The following SEMA3E variants were observed in gnomAD, a reference collection of about 807,000 sequenced individuals.
SEMA3E encodes the protein semaphorin-3E.
Under a neutral mutation model 93.6 loss-of-function variants are expected in SEMA3E, and 49 were observed. The observed-to-expected ratio is 0.52, with a 90% CI of 0.42 to 0.66. The LOEUF is 0.66. Ranked by LOEUF, SEMA3E falls within the 30% of genes least tolerant of loss-of-function variation. The probability of loss-of-function intolerance (pLI) is 0.00; values close to 1 mark genes in which losing one functional copy is unlikely to be tolerated. For missense variants in SEMA3E, 906 were observed against 964.8 expected (o/e 0.94, Z 0.81); for synonymous variants, 363 against 330.7 (o/e 1.10, Z -1.06).
intron 16 of SEMA3E, among the ~76,000 whole-genome samples, chr7:83,370,827 T>C (rs377354318): frequency 2.0e-5 from 3 of 152,170 alleles, no homozygotes; most frequent in African/African-American, 7.2e-5. Flanking sequence ...CTGTGTCATC[T>C]TTCCCCCCTT....
intron 11 of SEMA3E, 108 bp downstream of exon 11, chr7:83,399,920 G>A: frequency 3.3e-6 from 3 of 913,778 alleles, no homozygotes; most frequent in South Asian, 1.3e-5. Flanking sequence ...GTGTGAAATT[G>A]TTTAACAGAT....
chr7:83,513,017 A>C (rs372707621), intron 1 of SEMA3E, among the ~76,000 whole-genome samples: 125 of 152,332 alleles, frequency 8.2e-4, no homozygotes, highest in Middle Eastern at 6.8e-3. Context: ...ATATTTTTGC[A>C]ATGTAAAAGA....
intron 1 of SEMA3E, among the ~76,000 whole-genome samples, chr7:83,493,841 T>C (rs1367243707): frequency 6.6e-6 from 1 of 151,916 alleles, no homozygotes; most frequent in East Asian, 1.9e-4. Flanking sequence ...TGGACTGCTT[T>C]TCCTAACTGG....
chr7:83,418,519 C>A, intron 4 of SEMA3E, 36 bp from the exon 5 acceptor site: 1 of 1,344,278 alleles, frequency 7.4e-7, no homozygotes. Context: ...TATGAATATG[C>A]CTCCTCTAAT....
In SEMA3E at chr7:83,367,691, C is replaced by T. The variant is rs1366882310; in HGVS notation, c.2223G>A (p.Lys741=). ...KVWCTDRKRK[K]LKMSPSKWKY... ...TCCACTTGGAGGGTGACATTTTAAG[C>T]TTTTTCCTCTTTCTATCTGTGCACC... Residue 741 remains lysine (K), a synonymous_variant, in exon 17 of 17, where the codon AAG becomes AAA. Transcript: ENST00000643230. 1 of 1,614,060 alleles carries T rather than the reference C, an allele frequency of 6.2e-7. No homozygotes were observed. Among genetic ancestry groups the T allele is most frequent in the Admixed American group, 1.7e-5 (1 of 60,000 alleles).
chr7:83,407,595 T>C (rs1788355122), intron 6 of SEMA3E, among the ~76,000 whole-genome samples: 1 of 152,144 alleles, frequency 6.6e-6, no homozygotes, highest in South Asian at 2.1e-4. Context: ...CCTCCCATTG[T>C]AGGTAAAAAC....
chr7:83,502,141 C>T (rs1007039733), intron 1 of SEMA3E, among the ~76,000 whole-genome samples: 5 of 152,114 alleles, frequency 3.3e-5, no homozygotes, highest in Non-Finnish European at 7.4e-5. Context: ...CCTGATTCTT[C>T]TTTCTTGAGT....
intron 4 of SEMA3E, among the ~76,000 whole-genome samples, chr7:83,439,419 G>T (rs905953343): frequency 1.3e-5 from 2 of 152,160 alleles, no homozygotes; most frequent in Non-Finnish European, 2.9e-5. Context: ...AGGAAATTTT[G>T]GAAAACTAAG....
chr7:83,516,481 T>C (rs2115668570), intron 1 of SEMA3E, among the ~76,000 whole-genome samples: 1 of 152,328 alleles, frequency 6.6e-6, no homozygotes, highest in Admixed American at 6.5e-5. Flanking sequence ...AATGAAAGTA[T>C]AAACTCTTCC....
In SEMA3E at chr7:83,402,682, A is replaced by G; in HGVS notation, c.1093T>C (p.Tyr365His). The G allele has an allele frequency of 1.2e-6, 2 of 1,612,940 alleles. No individual in the cohort carries two copies. The change falls in exon 10 of 17, where the codon TAC becomes CAC. Residue 365 changes from tyrosine (Y) to histidine (H), a missense_variant. Coordinates refer to ENST00000643230, the MANE Select transcript of SEMA3E (RefSeq NM_012431.3). ...GPYAHKEGPE[Y>H]HWSVYEGKVP... Reference sequence around the variant, plus strand: ...TTTCCTTCATAGACTGACCAGTGGTATTCAGGTCCTTCCTTATGTGCATAT... The same window carrying G: ...TTTCCTTCATAGACTGACCAGTGGTGTTCAGGTCCTTCCTTATGTGCATAT...
chr7:83,617,476 AAATTTTATATAAATAATATAT>A (rs1411139580), intron 1 of SEMA3E, among the ~76,000 whole-genome samples: 15 of 30,756 alleles, frequency 4.9e-4, no homozygotes, highest in African/African-American at 1.2e-3. Context: ...AATTTTATAT[AAATTTTATATAAATAATATAT>A]AATTTTATAT....
chr7:83,499,168 A>G (rs2535376), intron 1 of SEMA3E, among the ~76,000 whole-genome samples: 28,725 of 152,068 alleles, frequency 0.19, 4,136 homozygotes, highest in African/African-American at 0.4. Flanking sequence ...AATTTTTACT[A>G]CTAATACAGC....
intron 4 of SEMA3E, among the ~76,000 whole-genome samples, chr7:83,446,177 A>G (rs1051017099): frequency 1.3e-5 from 2 of 152,196 alleles, no homozygotes; most frequent in African/African-American, 4.8e-5. Flanking sequence ...TGTTAGTCCT[A>G]AAGCCTGTAT....
intron 16 of SEMA3E, among the ~76,000 whole-genome samples, chr7:83,374,398 G>C (rs1794792788): frequency 6.6e-6 from 1 of 152,068 alleles, no homozygotes; most frequent in South Asian, 2.1e-4. Context: ...AGAGCAAGCT[G>C]ACAATAATTA....
At chr7:83,509,279 G>A (rs1462881908) in intron 1 of SEMA3E, among the ~76,000 whole-genome samples, 1 of 152,162 alleles carries the variant, frequency 6.6e-6, no homozygotes, top group Admixed American at 6.6e-5. Context: ...AATATTAGGT[G>A]AGGGCTACGT....
At chr7:83,622,015 T>C (rs982199924) in intron 1 of SEMA3E, among the ~76,000 whole-genome samples, 2 of 152,128 alleles carry the variant, frequency 1.3e-5, no homozygotes, top group Non-Finnish European at 2.9e-5. Context: ...CTAAAGATCT[T>C]CTGCACAGCA....
In SEMA3E at chr7:83,424,023, T is replaced by C. The variant is rs191441614; in HGVS notation, c.457-5540A>G. Among the ~76,000 whole-genome samples, 6 of 152,304 alleles carry C rather than the reference T, an allele frequency of 3.9e-5. No homozygotes were observed. In the East Asian group the frequency reaches 7.7e-4, roughly 20 times the overall value. On this transcript the variant is annotated intron_variant, in intron 4 of 16. Coordinates refer to ENST00000643230, the MANE Select transcript of SEMA3E (RefSeq NM_012431.3). ...TTAATTTTTTTAATAATGTAAGCTA[T>C]TGGAACATCACTGCAGTAGAAAAGT... is the stretch of plus-strand genomic sequence containing the variant.
chr7:83,495,599 C>G (rs1179612162), intron 1 of SEMA3E, among the ~76,000 whole-genome samples: 1 of 151,432 alleles, frequency 6.6e-6, no homozygotes, highest in African/African-American at 2.4e-5. Flanking sequence ...CGTATGGAAA[C>G]AAATTGTTTT....
intron 4 of SEMA3E, among the ~76,000 whole-genome samples, chr7:83,432,062 T>C (rs2247921): frequency 0.73 from 110,478 of 151,550 alleles, 40,919 homozygotes; most frequent in East Asian, 1. Flanking sequence ...CTCAGTGCAG[T>C]GCAGCCTTTG....
Sources: allele counts gnomAD v4.1 joint callset (sites outside exome capture counted in the v4.1 genomes callset), GRCh38; gene constraint gnomAD v4.1.1; transcripts MANE v1.5; gene names NCBI Gene and HGNC (gene_info 2026-07-23, HGNC 2026-07-21).